Variants in ERBB4 observed in about 807,000 individuals in gnomAD.
ERBB4 encodes the protein receptor tyrosine-protein kinase erbB-4.
In ERBB4, 42 loss-of-function variants were observed where a neutral mutation model predicts 158.0. That is an observed-to-expected ratio of 0.27 (90% CI 0.21 to 0.34). ERBB4 has a LOEUF of 0.34. ERBB4 is among the 10% of genes least tolerant of loss of function. The probability of loss-of-function intolerance (pLI) is 1.00; values close to 1 mark genes in which losing one functional copy is unlikely to be tolerated. For missense variants in ERBB4, 1,333 were observed against 1,624.1 expected, an observed-to-expected ratio of 0.82 and a Z score of 3.08; for synonymous variants, 583 against 558.7, an observed-to-expected ratio of 1.04 and a Z score of -0.61.
chr2:211,771,806 T>C (rs1169052629), intron 4 of ERBB4, among the ~76,000 whole-genome samples: 1 of 152,076 alleles, frequency 6.6e-6, no homozygotes, highest in Non-Finnish European at 1.5e-5. Flanking sequence ...GCTGGCCGAA[T>C]CTCTTGGTGC....
At chr2:212,233,111 CT>C (rs1202479374) in intron 1 of ERBB4, among the ~76,000 whole-genome samples, 1 of 151,986 alleles carries the variant, frequency 6.6e-6, no homozygotes, top group East Asian at 1.9e-4. Context: ...TATTGGATTC[CT>C]TTTTTAAATC....
rs1285539687 is a variant in ERBB4 at position 211,884,795 on chromosome 2, A to G, written c.421+62635T>C. On this transcript the variant is annotated intron_variant, in intron 3 of 27. Transcript: ENST00000342788. ...TTATAGTGAAGACTGGAATTTTCCAATTGGGTTAAGTTGAAAAAATTAACC... is the reference window on the plus strand; with the variant it reads ...TTATAGTGAAGACTGGAATTTTCCAGTTGGGTTAAGTTGAAAAAATTAACC... 4.6e-5 allele frequency among the ~76,000 whole-genome samples: 7 copies of G among 152,310 alleles called. No homozygotes were observed. In the South Asian group the frequency reaches 8.3e-4, roughly 18 times the overall value.
chr2:212,284,488 A>G (rs1483998272), intron 1 of ERBB4, among the ~76,000 whole-genome samples: 2 of 152,116 alleles, frequency 1.3e-5, no homozygotes, highest in Admixed American at 1.3e-4. Context: ...AGACTATGGC[A>G]TATAAACTCC....
At chr2:212,173,453 G>A (rs1470911692) in intron 1 of ERBB4, among the ~76,000 whole-genome samples, 1 of 152,090 alleles carries the variant, frequency 6.6e-6, no homozygotes, top group Non-Finnish European at 1.5e-5. Context: ...AGCCTGAAGG[G>A]CCCAGTGAAC....
intron 1 of ERBB4, among the ~76,000 whole-genome samples, chr2:212,432,480 G>A (rs564666722): frequency 7.6e-4 from 115 of 152,118 alleles, no homozygotes; most frequent in African/African-American, 2.6e-3. Flanking sequence ...TTTAATGGGT[G>A]CTCTCTCTAT....
chr2:211,592,717 G>C (rs1290997938), intron 19 of ERBB4, among the ~76,000 whole-genome samples: 1 of 152,044 alleles, frequency 6.6e-6, no homozygotes, highest in Non-Finnish European at 1.5e-5. Context: ...ACTTAAAATA[G>C]TATAAAAGGG....
intron 1 of ERBB4, among the ~76,000 whole-genome samples, chr2:212,194,165 T>A (rs2082354719): frequency 6.6e-6 from 1 of 152,014 alleles, no homozygotes; most frequent in African/African-American, 2.4e-5. Flanking sequence ...TGAAGATTTA[T>A]CAGCACATAT....
chr2:212,216,178 T>G (rs1470729407), intron 1 of ERBB4, among the ~76,000 whole-genome samples: 1 of 151,432 alleles, frequency 6.6e-6, no homozygotes, highest in African/African-American at 2.4e-5. Context: ...TATTTTATGA[T>G]AATCCTTATG....
intron 2 of ERBB4, among the ~76,000 whole-genome samples, chr2:212,094,266 T>C (rs1035706838): frequency 6.7e-6 from 1 of 149,512 alleles, no homozygotes; most frequent in Non-Finnish European, 1.5e-5. Context: ...TAATAAAAAA[T>C]AATAATAATA....
At chr2:212,353,606 G>A (rs1487783198) in intron 1 of ERBB4, among the ~76,000 whole-genome samples, 1 of 151,540 alleles carries the variant, frequency 6.6e-6, no homozygotes, top group African/African-American at 2.4e-5. Flanking sequence ...TCTATGTGAT[G>A]TGTCTGAAAG....
At chr2:212,246,054 C>T (rs1349761137) in intron 1 of ERBB4, among the ~76,000 whole-genome samples, 2 of 152,040 alleles carry the variant, frequency 1.3e-5, no homozygotes, top group Admixed American at 6.6e-5. Flanking sequence ...ATAGATGATC[C>T]TCTATGGGAG....
chr2:212,094,957 C>T (rs2078885164), intron 2 of ERBB4, among the ~76,000 whole-genome samples: 1 of 151,880 alleles, frequency 6.6e-6, no homozygotes, highest in African/African-American at 2.4e-5. Flanking sequence ...GAAAATAGGG[C>T]AGAAAGTGAT....
chr2:211,544,392 C>G (rs998621888), intron 20 of ERBB4, among the ~76,000 whole-genome samples: 1 of 151,976 alleles, frequency 6.6e-6, no homozygotes, highest in Non-Finnish European at 1.5e-5. Flanking sequence ...TGGGTACCAT[C>G]AATCTGAGTT....
chr2:211,947,642 T>C, intron 2 of ERBB4, 26 bp from the exon 3 acceptor site: 1 of 1,606,044 alleles, frequency 6.2e-7, no homozygotes, highest in Non-Finnish European at 8.5e-7. Flanking sequence ...CAGTTGCCTG[T>C]GTTATAAAAC....
At chr2:211,959,452 TCATTTTCTGGTCATACATTGG>T in intron 2 of ERBB4, among the ~76,000 whole-genome samples, 1 of 152,246 alleles carries the variant, frequency 6.6e-6, no homozygotes, top group East Asian at 1.9e-4. Context: ...TAAAGCTACC[TCATTTTCTGGTCATACATTGG>T]CACCTTCCAT....
intron 1 of ERBB4, among the ~76,000 whole-genome samples, chr2:212,489,520 T>A (rs2106194224): frequency 6.6e-6 from 1 of 152,042 alleles, no homozygotes; most frequent in East Asian, 1.9e-4. Context: ...AGAAATGAAG[T>A]ATTAAGTAGA....
At chr2:212,431,554 C>T (rs2092030947) in intron 1 of ERBB4, among the ~76,000 whole-genome samples, 1 of 152,056 alleles carries the variant, frequency 6.6e-6, no homozygotes, top group Non-Finnish European at 1.5e-5. Context: ...CAAGAGTAAT[C>T]CTCATTGAAT....
intron 25 of ERBB4, among the ~76,000 whole-genome samples, chr2:211,392,687 G>C (rs1007681584): frequency 1.3e-5 from 2 of 151,316 alleles, no homozygotes; most frequent in African/African-American, 4.9e-5. Flanking sequence ...TTTGTTTTTC[G>C]AGATGGAGTC....
intron 4 of ERBB4, among the ~76,000 whole-genome samples, chr2:211,765,296 T>C (rs1337030530): frequency 6.6e-6 from 1 of 152,114 alleles, no homozygotes; most frequent in African/African-American, 2.4e-5. Flanking sequence ...GGAAGGAAGA[T>C]TCAGGGGGCT....
Sources: allele counts gnomAD v4.1 joint callset (sites outside exome capture counted in the v4.1 genomes callset), GRCh38; gene constraint gnomAD v4.1.1; transcripts MANE v1.5; gene names NCBI Gene and HGNC (gene_info 2026-07-23, HGNC 2026-07-21).